Variants in STK4 observed in about 807,000 individuals in gnomAD.
STK4 encodes serine/threonine-protein kinase 4.
In STK4, 30 loss-of-function variants were observed where a neutral mutation model predicts 64.9. The observed-to-expected ratio is 0.46, with a 90% CI of 0.35 to 0.63. The LOEUF is 0.63. Ranked by LOEUF, STK4 falls within the 20% of genes least tolerant of loss-of-function variation. The pLI, the probability that STK4 is intolerant of heterozygous loss-of-function variation, is 0.01. For synonymous variants in STK4, 177 were observed against 199.0 expected (o/e 0.89, Z 0.93); for missense variants, 466 against 598.5 (o/e 0.78, Z 2.31).
rs1450628614 is a variant in STK4 at position 45,024,958 on chromosome 20, T to C, written c.1148-15T>C. The stretch of plus-strand genomic sequence containing the variant: ...AGAATGTTTCTTTTCATTTTTCATT[T>C]TTCTTTGTTTTCAGGAAGGGATGAG... On this transcript the variant is annotated splice_polypyrimidine_tract_variant and intron_variant, in intron 9 of 10. Transcript: ENST00000372806. 6.5e-7 allele frequency: 1 copy of C among 1,541,352 alleles called. No homozygotes were observed. Among genetic ancestry groups the C allele is most frequent in the Non-Finnish European group, 8.7e-7 (1 of 1,147,504 alleles).
chr20:45,002,475 T>C (rs1251633414), intron 9 of STK4, among the ~76,000 whole-genome samples: 2 of 152,190 alleles, frequency 1.3e-5, no homozygotes, highest in Non-Finnish European at 2.9e-5. Flanking sequence ...GCAGTCACAG[T>C]CTGAGTAACA....
chr20:45,004,137 C>T (rs1270453831), intron 9 of STK4, among the ~76,000 whole-genome samples: 1 of 152,026 alleles, frequency 6.6e-6, no homozygotes, highest in African/African-American at 2.4e-5. Flanking sequence ...GCTCTTTCGC[C>T]CAGGCTGGAG....
At chr20:45,025,599 A>T (rs1385917940) in intron 10 of STK4, among the ~76,000 whole-genome samples, 1 of 152,174 alleles carries the variant, frequency 6.6e-6, no homozygotes, top group Admixed American at 6.5e-5. Context: ...TTCATATGAA[A>T]AACTGGATGT....
chr20:44,987,916 G>A (rs570192100), intron 5 of STK4, among the ~76,000 whole-genome samples: 1 of 151,800 alleles, frequency 6.6e-6, no homozygotes, highest in South Asian at 2.1e-4. Context: ...GGTTTTCTTG[G>A]GTGGTAGAAT....
chr20:45,051,947 G>A (rs1376788696), intron 10 of STK4, among the ~76,000 whole-genome samples: 2 of 152,002 alleles, frequency 1.3e-5, no homozygotes, highest in Admixed American at 6.6e-5. Flanking sequence ...TCTTTCATAG[G>A]GCTGTCGTGA....
rs565269947 is a variant in STK4, at chr20:44,978,648, G to A, written c.245+77G>A. On this transcript the variant is annotated intron_variant, in intron 3 of 10. Coordinates refer to ENST00000372806, the MANE Select transcript of STK4 (RefSeq NM_006282.5). ...GATTGTGTAGAGTTTGATACCTAGA[G>A]ACACATTTACTTAGATATTTTGCAG... 75 of 1,471,162 alleles carry A rather than the reference G, an allele frequency of 5.1e-5. No individual in the cohort carries two copies. In the African/African-American group the frequency reaches 8.7e-4, roughly 17 times the overall value. 91.1% of individuals were successfully genotyped at this position (1,471,162 alleles called of 1,614,324 possible).
rs1324219689 is a variant in STK4 at position 44,971,263 on chromosome 20, T to C, written c.36-815T>C. On this transcript the variant is annotated intron_variant, in intron 1 of 10. Coordinates refer to ENST00000372806, the MANE Select transcript of STK4 (RefSeq NM_006282.5). ...TCAGAAATCTGAATTATCTGGAAAT[T>C]GTGAGCAGCCAAGTACCTTTGATTT... is the stretch of plus-strand genomic sequence containing the variant. 3.9e-5 allele frequency among the ~76,000 whole-genome samples: 6 copies of C among 152,324 alleles called. No individual in the cohort carries two copies. The East Asian group carries it at 1.2e-3, about 29-fold the overall frequency.
chr20:45,042,908 A>ATGTG (rs2068636342), intron 10 of STK4, among the ~76,000 whole-genome samples: 1 of 145,950 alleles, frequency 6.9e-6, no homozygotes, highest in African/African-American at 2.8e-5. Context: ...ACATAGGTAA[A>ATGTG]TGTGTGCCAT....
rs75961688 is a variant in STK4, at chr20:45,047,612, A to G, written c.1305+22482A>G. 2.1e-3 allele frequency among the ~76,000 whole-genome samples: 314 copies of G among 152,352 alleles called. 1 individual carries two copies. The highest frequency in any genetic ancestry group is 7.0e-3 in the African/African-American group (291 of 41,580). On this transcript the variant is annotated intron_variant, in intron 10 of 10. Transcript: ENST00000372806. Reference sequence around the variant, plus strand: ...TATAGGAATATGTTAATTGGACTATAATTTCATAGATGTGGAATTTAGATT... The same window carrying G: ...TATAGGAATATGTTAATTGGACTATGATTTCATAGATGTGGAATTTAGATT...
chr20:44,994,171 T>C (rs190115407), intron 5 of STK4, among the ~76,000 whole-genome samples: 1 of 151,670 alleles, frequency 6.6e-6, no homozygotes, highest in Non-Finnish European at 1.5e-5. Flanking sequence ...AAGTTTAAAA[T>C]TTTTTTATTG....
intron 10 of STK4, among the ~76,000 whole-genome samples, chr20:45,065,418 T>C (rs529815850): frequency 3.9e-5 from 6 of 152,268 alleles, no homozygotes; most frequent in African/African-American, 1.2e-4. Context: ...TTTTTGTTTT[T>C]GTTTTTGTTT....
chr20:44,972,003 A>G, intron 1 of STK4, 75 bp from the exon 2 acceptor site: 1 of 1,375,316 alleles, frequency 7.3e-7, no homozygotes, highest in Non-Finnish European at 1.0e-6. Flanking sequence ...TGCTAATTAT[A>G]AAAAAAAGAT....
chr20:44,997,264 A>G lies in STK4; in HGVS notation c.789A>G (p.Val263=), dbSNP rs763174284. The G allele has an allele frequency of 1.9e-6, 3 of 1,613,454 alleles. No individual in the cohort carries two copies. The highest frequency in any genetic ancestry group is 2.5e-6 in the Non-Finnish European group (3 of 1,179,670). ...CAGATTTTGTGAAACAGTGTCTTGTAAAGAGCCCTGAGCAGAGGGCCACAG... is the reference window on the plus strand; with the variant it reads ...CAGATTTTGTGAAACAGTGTCTTGTGAAGAGCCCTGAGCAGAGGGCCACAG... ...NFTDFVKQCL[V]KSPEQRATAT... The change falls in exon 7 of 11, where the codon GTA becomes GTG. Residue 263 remains valine (V), a synonymous_variant. Coordinates refer to ENST00000372806, the MANE Select transcript of STK4 (RefSeq NM_006282.5).
Position 44,981,813 on chromosome 20 carries a change from GTCTC to G in STK4, c.246-6_246-3del, listed in dbSNP as rs200105994. ...GAAGGCCATTTTATTAATTTGTATT[GTCTC>G]TCTCTCTCTAGCCCTCATGTAGTCA... On this transcript the variant is annotated splice_polypyrimidine_tract_variant and intron_variant, in intron 3 of 10. Transcript: ENST00000372806. 5.9e-5 allele frequency: 85 copies of G among 1,436,062 alleles called. No homozygotes were observed. The highest frequency in any genetic ancestry group is 1.3e-4 in the South Asian group (11 of 85,906). 89.0% of individuals were successfully genotyped at this position (1,436,062 alleles called of 1,614,324 possible).
rs1401454474 is a variant in STK4, at chr20:45,075,600, G to T, written c.*424G>T. 6.5e-6 allele frequency: 1 copy of T among 153,254 alleles called. No individual in the cohort carries two copies. Among genetic ancestry groups the T allele is most frequent in the East Asian group, 1.9e-4 (1 of 5,208 alleles). 9.5% of individuals were successfully genotyped at this position (153,254 alleles called of 1,614,324 possible). ...CCCCACGCAGTGTGGTGGCATCTCT[G>T]TACAGGTACAGTTTTAAACGGTTTG... On this transcript the variant is annotated 3_prime_UTR_variant, in exon 11 of 11. Coordinates refer to ENST00000372806, the MANE Select transcript of STK4 (RefSeq NM_006282.5).
chr20:45,064,898 CAGAT>C (rs1453612183), intron 10 of STK4, among the ~76,000 whole-genome samples: 1 of 152,162 alleles, frequency 6.6e-6, no homozygotes, highest in Non-Finnish European at 1.5e-5. Context: ...TGTCTGCAAA[CAGAT>C]AGTTTGACTT....
intron 10 of STK4, among the ~76,000 whole-genome samples, chr20:45,068,176 A>G (rs139357716): frequency 8.9e-4 from 135 of 152,344 alleles, no homozygotes; most frequent in African/African-American, 3.2e-3. Flanking sequence ...TAGATGATTT[A>G]TGCAAAGGCA....
chr20:45,053,312 G>T, intron 10 of STK4: 1 of 665,400 alleles, frequency 1.5e-6, no homozygotes, highest in Non-Finnish European at 2.6e-6. Context: ...AATGCCTGCG[G>T]TTTTTGACCT....
chr20:45,079,184 C>G lies in STK4; in HGVS notation c.*4008C>G, dbSNP rs940032676. ...TGAGCCATGGTCTCACCACTGCACT[C>G]TAGCCTGGGTGACAGAATGAGACCC... On this transcript the variant is annotated 3_prime_UTR_variant, in exon 11 of 11. Transcript: ENST00000372806. 2.6e-5 allele frequency: 4 copies of G among 152,004 alleles called. No individual in the cohort carries two copies. The highest frequency in any genetic ancestry group is 2.4e-5 in the African/African-American group (1 of 41,344). 9.4% of individuals were successfully genotyped at this position (152,004 alleles called of 1,614,324 possible).
Sources: allele counts gnomAD v4.1 joint callset (sites outside exome capture counted in the v4.1 genomes callset), GRCh38; gene constraint gnomAD v4.1.1; transcripts MANE v1.5; gene names NCBI Gene and HGNC (gene_info 2026-07-23, HGNC 2026-07-21).